The following NBAS variants were observed in gnomAD, a reference collection of about 807,000 sequenced individuals.
NBAS encodes the protein NAG/BC035112 fusion.
Under a neutral mutation model 302.5 loss-of-function variants are expected in NBAS, and 219 were observed. The ratio of observed to expected loss-of-function variants is 0.72; its 90% CI spans 0.65 to 0.81. NBAS has a LOEUF of 0.81. Among genes scored for constraint, NBAS ranks in the 30% least tolerant of loss-of-function variants. NBAS has a pLI of 0.00. For synonymous variants in NBAS, 1,118 were observed against 1,021.6 expected (o/e 1.09, Z -1.80); for missense variants, 2,932 against 2,841.6 (o/e 1.03, Z -0.72).
At chr2:15,414,694 C>G (rs1010748640) in intron 25 of NBAS, among the ~76,000 whole-genome samples, 1 of 152,164 alleles carries the variant, frequency 6.6e-6, no homozygotes, top group Non-Finnish European at 1.5e-5. Flanking sequence ...CCTGTAATCC[C>G]AGCACTTTAG....
the NBAS span, among the ~76,000 whole-genome samples, chr2:14,831,804 G>A: frequency 4.7e-4 from 71 of 152,152 alleles, 1 homozygote; most frequent in African/African-American, 1.1e-3. Context: ...TGCTTATATC[G>A]TAGGGCTTAA....
the NBAS span, among the ~76,000 whole-genome samples, chr2:15,133,248 G>C: frequency 1.6e-4 from 25 of 152,020 alleles, no homozygotes; most frequent in African/African-American, 6.0e-4. Context: ...GAACCTTGTT[G>C]GTCTGTTGAC....
chr2:15,274,931 ATT>A (rs541507520), intron 44 of NBAS, among the ~76,000 whole-genome samples: 1 of 140,122 alleles, frequency 7.1e-6, no homozygotes, highest in African/African-American at 2.6e-5. Flanking sequence ...CACCCAGGTA[ATT>A]TTTTTTTTTT....
chr2:15,556,109 A>G (rs1465174370), intron 3 of NBAS, among the ~76,000 whole-genome samples: 2 of 152,204 alleles, frequency 1.3e-5, no homozygotes, highest in South Asian at 4.1e-4. Flanking sequence ...ACACACACAC[A>G]TACATAGAGT....
intron 40 of NBAS, among the ~76,000 whole-genome samples, chr2:15,307,666 A>G (rs965595367): frequency 9.8e-5 from 15 of 152,360 alleles, no homozygotes; most frequent in African/African-American, 3.6e-4. Flanking sequence ...AAGAAGGCAC[A>G]TGTAACTTGA....
chr2:15,313,607 T>C (rs1172576665), intron 38 of NBAS, among the ~76,000 whole-genome samples: 1 of 152,256 alleles, frequency 6.6e-6, no homozygotes, highest in Non-Finnish European at 1.5e-5. Context: ...TTCCTAGAAG[T>C]GGAGCTACTG....
At chr2:15,227,239 A>C (rs140285589) in intron 47 of NBAS, among the ~76,000 whole-genome samples, 18 of 152,314 alleles carry the variant, frequency 1.2e-4, no homozygotes, top group African/African-American at 3.1e-4. Context: ...AAGAAGAAAG[A>C]AAGCAATTTC....
chr2:14,934,858 C>T, the NBAS span, among the ~76,000 whole-genome samples: 6 of 152,220 alleles, frequency 3.9e-5, no homozygotes, highest in African/African-American at 1.4e-4. Flanking sequence ...AGACAATGCT[C>T]TGTATCAAGA....
chr2:15,107,905 G>A, the NBAS span, among the ~76,000 whole-genome samples: 2 of 152,098 alleles, frequency 1.3e-5, no homozygotes, highest in South Asian at 4.1e-4. Context: ...GAGTAGATTG[G>A]TCATTCCTAG....
chr2:14,928,905 C>A, the NBAS span, among the ~76,000 whole-genome samples: 1 of 152,116 alleles, frequency 6.6e-6, no homozygotes. Context: ...ACAATAGAGA[C>A]CTGGATTGAA....
At chr2:15,426,553 T>G (rs1366162095) in intron 22 of NBAS, among the ~76,000 whole-genome samples, 1 of 152,228 alleles carries the variant, frequency 6.6e-6, no homozygotes, top group African/African-American at 2.4e-5. Flanking sequence ...ATCTTCCAAC[T>G]CTTCTAATTT....
chr2:15,368,436 G>T (rs1221195078), intron 31 of NBAS, among the ~76,000 whole-genome samples: 1 of 152,014 alleles, frequency 6.6e-6, no homozygotes, highest in African/African-American at 2.4e-5. Flanking sequence ...CTGACCTTGT[G>T]ATCCGCCCTC....
intron 44 of NBAS, among the ~76,000 whole-genome samples, chr2:15,241,384 C>A (rs1344486897): frequency 6.6e-6 from 1 of 152,152 alleles, no homozygotes; most frequent in African/African-American, 2.4e-5. Context: ...CTGGATGAAA[C>A]AATGGGTCCC....
intron 48 of NBAS, among the ~76,000 whole-genome samples, chr2:15,213,087 ATTGTG>A: frequency 6.6e-6 from 1 of 152,184 alleles, no homozygotes; most frequent in East Asian, 1.9e-4. Flanking sequence ...CAACAATTGT[ATTGTG>A]TTATTATTTC....
intron 26 of NBAS, among the ~76,000 whole-genome samples, chr2:15,400,358 A>G (rs1676089627): frequency 6.6e-6 from 1 of 152,200 alleles, no homozygotes; most frequent in African/African-American, 2.4e-5. Context: ...AATCCAGGAA[A>G]AACAGAGAGT....
chr2:15,141,002 G>A, the NBAS span, among the ~76,000 whole-genome samples: 2 of 152,126 alleles, frequency 1.3e-5, no homozygotes, highest in South Asian at 2.1e-4. Flanking sequence ...TTTAGTAAGT[G>A]TTCAATAAAT....
intron 24 of NBAS, 53 bp downstream of exon 24, chr2:15,417,474 G>A (rs1208329913): frequency 1.4e-6 from 2 of 1,456,966 alleles, no homozygotes; most frequent in African/African-American, 2.8e-5. Context: ...ATGTATCAAA[G>A]TGCATAGAAA....
chr2:15,450,863 T>TATAAA (rs1678971059), intron 21 of NBAS, among the ~76,000 whole-genome samples: 1 of 152,188 alleles, frequency 6.6e-6, no homozygotes, highest in Non-Finnish European at 1.5e-5. Context: ...AATTATAAAT[T>TATAAA]TCACTCAAAA....
chr2:15,407,264 C>CTT (rs1314774767), intron 25 of NBAS, among the ~76,000 whole-genome samples: 2 of 152,100 alleles, frequency 1.3e-5, no homozygotes, highest in East Asian at 3.9e-4. Flanking sequence ...TTCCTGAGGA[C>CTT]CATAGACCAA....
Sources: allele counts gnomAD v4.1 joint callset (sites outside exome capture counted in the v4.1 genomes callset), GRCh38; gene constraint gnomAD v4.1.1; transcripts MANE v1.5; gene names NCBI Gene and HGNC (gene_info 2026-07-23, HGNC 2026-07-21).